Variants in HEATR1 observed in about 807,000 individuals in gnomAD.
HEATR1 encodes the protein HEAT repeat containing 1.
HEATR1 carries 77 observed loss-of-function variants against 248.2 expected under a neutral mutation model. The ratio of observed to expected loss-of-function variants is 0.31; its 90% confidence interval spans 0.26 to 0.37. HEATR1 has a LOEUF of 0.37. HEATR1 is among the 10% of genes least tolerant of loss of function. HEATR1 has a pLI of 1.00. For synonymous variants in HEATR1, 897 were observed against 923.1 expected, an observed-to-expected ratio of 0.97 and a Z score of 0.51; for missense variants, 2,420 against 2,504.9, an observed-to-expected ratio of 0.97 and a Z score of 0.72.
intron 20 of HEATR1, among the ~76,000 whole-genome samples, chr1:236,577,504 T>C (rs1663596048): frequency 1.6e-5 from 2 of 121,880 alleles, no homozygotes; most frequent in South Asian, 2.5e-4. Context: ...TTTTTTTTTT[T>C]TCAGATGGAG....
At chr1:236,593,925 G>T in intron 9 of HEATR1, 87 bp downstream of exon 9, 1 of 829,780 alleles carries the variant, frequency 1.2e-6, no homozygotes. Context: ...CATTAAAAAG[G>T]AATGCTGGGA....
rs1438571183 is a variant in HEATR1 at position 236,604,097 on chromosome 1, T to A, written c.-2A>T. ...CAGCTGCTGGGCTAAGGACGTCATC[T>A]TTCACGCCAGCGGAGTTTTAATGAC... is the stretch of plus-strand genomic sequence containing the variant. On this transcript the variant is annotated 5_prime_UTR_variant, in exon 2 of 45. The change creates a new upstream start codon in the 5' untranslated region. Coordinates refer to ENST00000366582, the MANE Select transcript of HEATR1 (RefSeq NM_018072.6). The A allele has an allele frequency of 6.4e-7, 1 of 1,555,000 alleles. No individual in the cohort carries two copies. Among genetic ancestry groups the A allele is most frequent in the Non-Finnish European group, 8.6e-7 (1 of 1,158,504 alleles).
chr1:236,550,883 T>G lies in HEATR1; in HGVS notation c.*19A>C. 1 of 1,563,078 alleles carries G rather than the reference T, an allele frequency of 6.4e-7. No homozygotes were observed. The stretch of plus-strand genomic sequence containing the variant: ...ATGAGTGTGAACTCTGAGTAGAGTA[T>G]GAAACACCACAGAAAGTCTTAGAAA... On this transcript the variant is annotated 3_prime_UTR_variant, in exon 45 of 45. Transcript: ENST00000366582.
chr1:236,588,066 T>C, intron 12 of HEATR1, 23 bp from the exon 13 acceptor site: 1 of 1,577,630 alleles, frequency 6.3e-7, no homozygotes, highest in Non-Finnish European at 8.7e-7. Context: ...AGAAAAACAT[T>C]AATTTAGCTG....
chr1:236,551,373 A>G (rs1005008552), intron 44 of HEATR1: 4 of 180,756 alleles, frequency 2.2e-5, no homozygotes, highest in Non-Finnish European at 4.6e-5. Context: ...CCCTCCCTTA[A>G]TAATAACATT....
At chr1:236,599,678 C>G (rs189918327) in intron 3 of HEATR1, 54 bp from the exon 4 acceptor site, 7 of 1,508,258 alleles carry the variant, frequency 4.6e-6, no homozygotes, top group African/African-American at 2.8e-5. Context: ...TAATAAGCAC[C>G]TATTTCCTCA....
chr1:236,585,994 A>G, intron 15 of HEATR1, 53 bp from the exon 16 acceptor site: 1 of 1,598,356 alleles, frequency 6.3e-7, no homozygotes, highest in Non-Finnish European at 8.5e-7. Flanking sequence ...CACTCAAAGA[A>G]TCACATGAAG....
At chr1:236,571,322 T>G in intron 28 of HEATR1, 29 bp downstream of exon 28, 18 of 1,560,968 alleles carry the variant, frequency 1.2e-5, no homozygotes, top group Non-Finnish European at 1.6e-5. Flanking sequence ...CTGAAATATC[T>G]GCTAAAATCT....
chr1:236,575,689 G>A lies in HEATR1; in HGVS notation c.3084+530C>T, dbSNP rs1223653702. ...ACTGATGAAGCACACAGGCATTTCT[G>A]TAACACTGGGATGAAAGAACCTTTT... On this transcript the variant is annotated intron_variant, in intron 22 of 44. Coordinates refer to ENST00000366582, the MANE Select transcript of HEATR1 (RefSeq NM_018072.6). Among the ~76,000 whole-genome samples the A allele has an allele frequency of 3.9e-5, 6 of 152,278 alleles. No individual in the cohort carries two copies. In the East Asian group the frequency reaches 1.2e-3, roughly 29 times the overall value.
At chr1:236,598,311 G>A (rs1020949163) in intron 4 of HEATR1, among the ~76,000 whole-genome samples, 6 of 152,114 alleles carry the variant, frequency 3.9e-5, no homozygotes, top group African/African-American at 1.4e-4. Flanking sequence ...ACTATGATAC[G>A]CTTCTGTCAT....
intron 8 of HEATR1, 31 bp from the exon 9 acceptor site, chr1:236,594,145 G>A: frequency 2.1e-6 from 3 of 1,402,264 alleles, no homozygotes; most frequent in Non-Finnish European, 2.9e-6. Flanking sequence ...ATTGTGTTGG[G>A]AAAAATTTAT....
Position 236,556,157 on chromosome 1 carries a change from G to C in HEATR1, c.5457C>G (p.Pro1819=), listed in dbSNP as rs760145880. Residue 1819 remains proline (P), a synonymous_variant, in exon 38 of 45, where the codon CCC becomes CCG. Transcript: ENST00000366582. ...TTTTGATGGCGGGCAACAGGACTCGGGGTGCAAGTGTGGTAGCCAGTGTCT... is the reference window on the plus strand; with the variant it reads ...TTTTGATGGCGGGCAACAGGACTCGCGGTGCAAGTGTGGTAGCCAGTGTCT... ...LKKTLATTLA[P]RVLLPAIKKT... 9.9e-6 allele frequency: 16 copies of C among 1,614,100 alleles called. No individual in the cohort carries two copies. The highest frequency in any genetic ancestry group is 1.4e-5 in the Non-Finnish European group (16 of 1,180,038).
At chr1:236,604,195 T>A (rs1664411174) in intron 1 of HEATR1, 68 bp from the exon 2 acceptor site, 1 of 1,288,188 alleles carries the variant, frequency 7.8e-7, no homozygotes, top group African/African-American at 1.5e-5. Flanking sequence ...CAAACAATTC[T>A]CTTCTGCACT....
intron 20 of HEATR1, among the ~76,000 whole-genome samples, chr1:236,578,751 T>C (rs1361936631): frequency 6.6e-6 from 1 of 152,210 alleles, no homozygotes; most frequent in Non-Finnish European, 1.5e-5. Context: ...GTCTGTAGGC[T>C]TTCTCAATTT....
Position 236,555,389 on chromosome 1 carries a change from C to T in HEATR1, c.5830G>A (p.Ala1944Thr), listed in dbSNP as rs1345039209. 6.2e-7 allele frequency: 1 copy of T among 1,614,210 alleles called. No individual in the cohort carries two copies. Among genetic ancestry groups the T allele is most frequent in the African/African-American group, 1.3e-5 (1 of 75,054 alleles). Reference protein sequence around the residue: ...LTFYNLADCIAEKLKGLFTLF... With the variant: ...LTFYNLADCITEKLKGLFTLF... ...GTAAAAAGCCCTTTCAGCTTTTCAGCAATGCAATCTGCCAAGTTGTAAAAT... is the reference window on the plus strand; with the variant it reads ...GTAAAAAGCCCTTTCAGCTTTTCAGTAATGCAATCTGCCAAGTTGTAAAAT... The change falls in exon 41 of 45, where the codon GCT becomes ACT. Residue 1944 changes from alanine to threonine, a missense_variant. Physicochemically the swap from Ala to Thr is moderately conservative, Grantham distance 58. Coordinates refer to ENST00000366582, the MANE Select transcript of HEATR1 (RefSeq NM_018072.6).
intron 26 of HEATR1, 64 bp downstream of exon 26, chr1:236,572,347 G>T: frequency 2.0e-6 from 3 of 1,494,486 alleles, no homozygotes; most frequent in Non-Finnish European, 2.8e-6. Flanking sequence ...AAAAGAGAAT[G>T]TTAGATAAGA....
intron 29 of HEATR1, among the ~76,000 whole-genome samples, chr1:236,567,959 T>A (rs1362373416): frequency 1.3e-5 from 2 of 152,240 alleles, no homozygotes; most frequent in African/African-American, 4.8e-5. Context: ...AAAATATAGT[T>A]GTTGAATAAA....
At chr1:236,566,985 G>T (rs1663289645) in intron 29 of HEATR1, 109 bp from the exon 30 acceptor site, 3 of 698,518 alleles carry the variant, frequency 4.3e-6, no homozygotes, top group East Asian at 2.7e-5. Flanking sequence ...ATTGCCAGAA[G>T]AATTTTATTT....
chr1:236,603,622 A>G (rs1276924206), intron 2 of HEATR1, among the ~76,000 whole-genome samples: 2 of 144,162 alleles, frequency 1.4e-5, no homozygotes. Flanking sequence ...GATATCCCCT[A>G]CAATAACTAG....
Sources: gnomAD v4.1 joint callset for allele counts (sites outside exome capture counted in the v4.1 genomes callset) on GRCh38, gnomAD v4.1.1 for gene constraint, MANE v1.5 for transcripts, NCBI Gene and HGNC (gene_info 2026-07-23, HGNC 2026-07-21) for gene names.